The following PTPRK variants were observed in gnomAD, a reference collection of about 807,000 sequenced individuals.
The protein encoded by PTPRK is receptor-type tyrosine-protein phosphatase kappa.
PTPRK carries 75 observed loss-of-function variants against 178.0 expected under a neutral mutation model. That is an observed-to-expected ratio of 0.42 (90% confidence interval 0.35 to 0.51). The LOEUF (loss-of-function observed/expected upper bound fraction) is 0.51, where lower values mean the gene tolerates loss of function less well. Among genes scored for constraint, PTPRK ranks in the 20% least tolerant of loss-of-function variants. The pLI is 0.02. For missense variants in PTPRK, 1,441 were observed against 1,797.8 expected (o/e 0.80, Z 3.59); for synonymous variants, 637 against 620.6 (o/e 1.03, Z -0.39).
At chr6:128,351,332 C>T (rs1020259779) in intron 2 of PTPRK, among the ~76,000 whole-genome samples, 1 of 151,812 alleles carries the variant, frequency 6.6e-6, no homozygotes, top group Non-Finnish European at 1.5e-5. Flanking sequence ...AAAATGAACG[C>T]GAATTTAAAC....
chr6:128,294,245 TTTA>T (rs1208032855), intron 3 of PTPRK, among the ~76,000 whole-genome samples: 1 of 152,092 alleles, frequency 6.6e-6, no homozygotes, highest in East Asian at 1.9e-4. Flanking sequence ...AGCAGATTAT[TTTA>T]TTATTCCTAA....
At chr6:127,997,637 G>A (rs1389983596) in intron 16 of PTPRK, among the ~76,000 whole-genome samples, 1 of 152,028 alleles carries the variant, frequency 6.6e-6, no homozygotes, top group East Asian at 1.9e-4. Context: ...CTCAACACAG[G>A]AAACGGGGTC....
At chr6:128,096,354 C>G (rs954050677) in intron 7 of PTPRK, among the ~76,000 whole-genome samples, 1 of 152,124 alleles carries the variant, frequency 6.6e-6, no homozygotes, top group Non-Finnish European at 1.5e-5. Context: ...TGATTTAACA[C>G]GTGGTTCTAG....
intron 2 of PTPRK, among the ~76,000 whole-genome samples, chr6:128,346,208 G>C (rs541812187): frequency 2.2e-4 from 34 of 152,102 alleles, no homozygotes; most frequent in South Asian, 4.2e-4. Flanking sequence ...AGGGACCTGG[G>C]AGATCATTTG....
At chr6:128,428,349 T>C (rs529014470) in intron 1 of PTPRK, among the ~76,000 whole-genome samples, 1 of 152,228 alleles carries the variant, frequency 6.6e-6, no homozygotes, top group Non-Finnish European at 1.5e-5. Flanking sequence ...ATGCACATCA[T>C]TAGTAGACTA....
intron 2 of PTPRK, among the ~76,000 whole-genome samples, chr6:128,365,291 A>G (rs1007920653): frequency 1.3e-5 from 2 of 152,110 alleles, no homozygotes; most frequent in Admixed American, 1.3e-4. Flanking sequence ...GCATATCTTT[A>G]TAGACACAAA....
At chr6:128,372,888 G>A (rs1836486067) in intron 2 of PTPRK, among the ~76,000 whole-genome samples, 1 of 152,048 alleles carries the variant, frequency 6.6e-6, no homozygotes, top group East Asian at 1.9e-4. Context: ...AAAATGGAAT[G>A]AGGAAATGAA....
At chr6:127,997,913 G>A (rs1240335127) in intron 16 of PTPRK, among the ~76,000 whole-genome samples, 1 of 152,058 alleles carries the variant, frequency 6.6e-6, no homozygotes. Context: ...CCTTTTCAAA[G>A]CAAAATATTA....
intron 7 of PTPRK, among the ~76,000 whole-genome samples, chr6:128,112,901 T>C (rs1790902025): frequency 6.6e-6 from 1 of 152,128 alleles, no homozygotes. Context: ...GGTAACTGAA[T>C]TCATCTTTCC....
chr6:128,351,421 T>A (rs1442789074), intron 2 of PTPRK, among the ~76,000 whole-genome samples: 1 of 152,268 alleles, frequency 6.6e-6, no homozygotes, highest in African/African-American at 2.4e-5. Context: ...ATTTGATAGA[T>A]AACTGAAAAG....
chr6:128,039,624 T>A (rs1388964934), intron 13 of PTPRK, among the ~76,000 whole-genome samples: 1 of 152,196 alleles, frequency 6.6e-6, no homozygotes, highest in Non-Finnish European at 1.5e-5. Flanking sequence ...GGACTGTAAA[T>A]ATTCTACCCA....
At chr6:128,295,864 T>C (rs1248434731) in intron 3 of PTPRK, among the ~76,000 whole-genome samples, 1 of 152,118 alleles carries the variant, frequency 6.6e-6, no homozygotes, top group African/African-American at 2.4e-5. Flanking sequence ...CTTCTATTCA[T>C]GGCCAGTAGG....
chr6:128,459,206 T>C (rs1481715700), intron 1 of PTPRK, among the ~76,000 whole-genome samples: 5 of 152,178 alleles, frequency 3.3e-5, no homozygotes, highest in African/African-American at 1.2e-4. Flanking sequence ...CAAAAACATC[T>C]TCTTATAGTT....
chr6:128,066,790 AG>A (rs1284604075), intron 12 of PTPRK, among the ~76,000 whole-genome samples: 3 of 152,322 alleles, frequency 2.0e-5, no homozygotes, highest in African/African-American at 7.2e-5. Flanking sequence ...GAGGCATGAA[AG>A]GCCAGGTTGT....
At chr6:128,307,160 AAT>A (rs397888214) in intron 3 of PTPRK, among the ~76,000 whole-genome samples, 30,617 of 142,202 alleles carry the variant, frequency 0.22, 3,411 homozygotes, top group East Asian at 0.36. Flanking sequence ...AAGAAAAAAA[AAT>A]ATATATATAT....
intron 7 of PTPRK, among the ~76,000 whole-genome samples, chr6:128,138,004 C>T (rs1479125314): frequency 6.6e-6 from 1 of 152,030 alleles, no homozygotes; most frequent in Admixed American, 6.6e-5. Flanking sequence ...TAGAAAGACA[C>T]AGATATTTGA....
chr6:128,376,599 T>C (rs1837111038), intron 2 of PTPRK, among the ~76,000 whole-genome samples: 1 of 152,218 alleles, frequency 6.6e-6, no homozygotes, highest in African/African-American at 2.4e-5. Context: ...GGCTCCTCAT[T>C]ACTTATGCAA....
intron 2 of PTPRK, among the ~76,000 whole-genome samples, chr6:128,336,378 T>G (rs1329366661): frequency 6.6e-6 from 1 of 152,006 alleles, no homozygotes; most frequent in Non-Finnish European, 1.5e-5. Flanking sequence ...GAAACTAAAA[T>G]AAAAAATAAC....
At position 127,990,617 on chromosome 6, in the gene PTPRK, C is replaced by T. The variant is rs376718222; in HGVS notation, c.3096+152G>A. 1.1e-4 allele frequency: 64 copies of T among 605,104 alleles called. 2 individuals carry two copies. In the South Asian group the frequency reaches 1.3e-3, roughly 12 times the overall value. 37.5% of individuals were successfully genotyped at this position (605,104 alleles called of 1,614,324 possible). On this transcript the variant is annotated intron_variant, in intron 21 of 29. Coordinates refer to ENST00000368226, the MANE Select transcript of PTPRK (RefSeq NM_002844.4). ...TGTGTCCCAAGGTTTAGAAACATGT[C>T]TGGCACATAGTAAACTCTCAAATAA... is the stretch of plus-strand genomic sequence containing the variant.
Sources: gnomAD v4.1 joint callset for allele counts (sites outside exome capture counted in the v4.1 genomes callset) on GRCh38, gnomAD v4.1.1 for gene constraint, MANE v1.5 for transcripts, NCBI Gene and HGNC (gene_info 2026-07-23, HGNC 2026-07-21) for gene names.